Variants in TMEM131 observed in about 807,000 individuals in gnomAD.
TMEM131 encodes the protein transmembrane protein 131, also known as 2610524E03Rik.
In TMEM131, 66 loss-of-function variants were observed where a neutral mutation model predicts 211.6. That is an observed-to-expected ratio of 0.31 (90% CI 0.26 to 0.38). TMEM131 has a LOEUF of 0.38. Ranked by LOEUF, TMEM131 falls within the 10% of genes least tolerant of loss-of-function variation. TMEM131 has a pLI of 1.00. For synonymous variants in TMEM131, 844 were observed against 841.3 expected (o/e 1.00, Z -0.06); for missense variants, 2,036 against 2,299.3 (o/e 0.89, Z 2.34).
intron 4 of TMEM131, among the ~76,000 whole-genome samples, chr2:97,875,803 A>T (rs1372872081): frequency 6.6e-6 from 1 of 152,220 alleles, no homozygotes; most frequent in African/African-American, 2.4e-5. Flanking sequence ...TCAAAATTAG[A>T]AGAACTAGAG....
chr2:97,882,130 T>C (rs185180869), intron 4 of TMEM131, among the ~76,000 whole-genome samples: 2 of 152,344 alleles, frequency 1.3e-5, no homozygotes, highest in East Asian at 1.9e-4. Flanking sequence ...TCTCTCTTCA[T>C]TTTCTAGAGT....
chr2:97,766,486 T>C lies in TMEM131; in HGVS notation c.4565A>G (p.Lys1522Arg). The C allele has an allele frequency of 6.2e-7, 1 of 1,614,018 alleles. No homozygotes were observed. Among genetic ancestry groups the C allele is most frequent in the Non-Finnish European group, 8.5e-7 (1 of 1,179,894 alleles). Reference sequence around the variant, plus strand: ...GAACAAGATGACAATACCTTTTGTTTTCTGGGCATTTCGTGATTTGGATCC... The same window carrying C: ...GAACAAGATGACAATACCTTTTGTTCTCTGGGCATTTCGTGATTTGGATCC... The part of the protein sequence containing the change: ...TSGSKSRNAQ[K>R]TKGTSKLVDN... Residue 1522 changes from lysine to arginine, a missense_variant, in exon 34 of 41, where the codon AAA becomes AGA. Around this residue, in one of 3 missense-constraint regions of TMEM131, gnomAD observed 1,623 missense variants for 1,805.9 expected, o/e 0.90. Coordinates refer to ENST00000186436, the MANE Select transcript of TMEM131 (RefSeq NM_015348.2).
chr2:97,782,862 T>G (rs72946425), intron 31 of TMEM131, among the ~76,000 whole-genome samples: 3,819 of 151,000 alleles, frequency 0.025, 168 homozygotes, highest in African/African-American at 0.089. Flanking sequence ...ATTTGTGTTA[T>G]CAAAGTCTCA....
intron 31 of TMEM131, among the ~76,000 whole-genome samples, chr2:97,781,426 A>C (rs532540298): frequency 1.3e-5 from 2 of 152,352 alleles, no homozygotes; most frequent in East Asian, 3.9e-4. Context: ...ATGCTCTTCT[A>C]GGATTAGTGG....
intron 29 of TMEM131, among the ~76,000 whole-genome samples, chr2:97,794,559 G>C (rs555309015): frequency 2.0e-5 from 3 of 152,268 alleles, no homozygotes; most frequent in Non-Finnish European, 4.4e-5. Context: ...AATATATTGA[G>C]AACAGATGAA....
At chr2:97,799,126 T>C (rs1398364712) in intron 25 of TMEM131, among the ~76,000 whole-genome samples, 2 of 152,186 alleles carry the variant, frequency 1.3e-5, no homozygotes, top group Non-Finnish European at 2.9e-5. Context: ...AGACGTTATT[T>C]GTCTTTTTCA....
At chr2:97,771,547 A>T (rs1459284309) in intron 33 of TMEM131, among the ~76,000 whole-genome samples, 1 of 152,210 alleles carries the variant, frequency 6.6e-6, no homozygotes, top group Non-Finnish European at 1.5e-5. Flanking sequence ...CTTTCTACTG[A>T]TCACAACCCA....
chr2:97,793,019 C>A, intron 30 of TMEM131, 35 bp from the exon 31 acceptor site: 1 of 1,391,168 alleles, frequency 7.2e-7, no homozygotes, highest in Non-Finnish European at 9.5e-7. Context: ...CAGTAAATAG[C>A]AACCTACAAA....
intron 1 of TMEM131, among the ~76,000 whole-genome samples, chr2:97,953,582 C>T (rs1225251632): frequency 6.6e-6 from 1 of 152,150 alleles, no homozygotes; most frequent in Non-Finnish European, 1.5e-5. Flanking sequence ...GATTTCAACA[C>T]TTCACTGTCA....
intron 1 of TMEM131, among the ~76,000 whole-genome samples, chr2:97,932,846 G>GTTTAT (rs1295111421): frequency 0.018 from 2,665 of 152,222 alleles, 110 homozygotes; most frequent in East Asian, 0.15. Context: ...ACCTAAATAG[G>GTTTAT]CTGACTGTTA....
intron 1 of TMEM131, among the ~76,000 whole-genome samples, chr2:97,954,906 TA>T (rs1376511506): frequency 6.6e-6 from 1 of 151,740 alleles, no homozygotes; most frequent in Non-Finnish European, 1.5e-5. Flanking sequence ...CCAAACATTT[TA>T]AAAAGAATTA....
At chr2:97,859,516 C>T (rs6707750) in intron 4 of TMEM131, 89 bp from the exon 5 acceptor site, 377,863 of 1,109,528 alleles carry the variant, frequency 0.34, 66,805 homozygotes, top group Middle Eastern at 0.46. Context: ...AATTGTTAGA[C>T]AAATACATAG....
chr2:97,773,407 T>C (rs1331229337), intron 32 of TMEM131, among the ~76,000 whole-genome samples: 1 of 152,132 alleles, frequency 6.6e-6, no homozygotes, highest in African/African-American at 2.4e-5. Flanking sequence ...GCTGGGGGAA[T>C]GTTACTGGCC....
At chr2:97,941,896 C>A (rs1360280473) in intron 1 of TMEM131, among the ~76,000 whole-genome samples, 2 of 152,140 alleles carry the variant, frequency 1.3e-5, no homozygotes, top group African/African-American at 4.8e-5. Flanking sequence ...ACTAGTTCAA[C>A]CATTGTGGAA....
At chr2:97,856,613 G>A (rs961764691) in intron 5 of TMEM131, among the ~76,000 whole-genome samples, 2 of 152,144 alleles carry the variant, frequency 1.3e-5, no homozygotes, top group African/African-American at 2.4e-5. Context: ...CAGGAATTCC[G>A]AGCATGACAA....
chr2:97,806,686 G>A (rs896854859), intron 19 of TMEM131, among the ~76,000 whole-genome samples: 1 of 152,154 alleles, frequency 6.6e-6, no homozygotes, highest in African/African-American at 2.4e-5. Context: ...TCCTCCAGAA[G>A]AATATTACAA....
chr2:97,775,886 G>A lies in TMEM131; in HGVS notation c.4277C>T (p.Thr1426Ile). The part of the protein sequence containing the change: ...SLADDDSSST[T>I]TETSNPDTEP... The stretch of plus-strand genomic sequence containing the variant: ...TGTGTCAGGGTTGGAGGTCTCTGTG[G>A]TGGTGGAGGAGCTATCATCATCAGC... The change falls in exon 32 of 41, where the codon ACC becomes ATC. Residue 1426 changes from threonine to isoleucine, a missense_variant. By Grantham distance (89) the Thr-to-Ile change is moderately conservative. This residue lies in a region of TMEM131 where 1,623 missense variants were observed against 1,805.9 expected (regional missense o/e 0.90). Transcript: ENST00000186436. 1 of 1,614,000 alleles carries A rather than the reference G, an allele frequency of 6.2e-7. No homozygotes were observed. The highest frequency in any genetic ancestry group is 8.5e-7 in the Non-Finnish European group (1 of 1,179,898).
At chr2:97,864,903 G>C (rs1674212763) in intron 4 of TMEM131, among the ~76,000 whole-genome samples, 1 of 152,224 alleles carries the variant, frequency 6.6e-6, no homozygotes, top group South Asian at 2.1e-4. Context: ...GCCAGGGTAA[G>C]GAGTTGATGA....
rs1389612354 is a variant in TMEM131 at position 97,757,119 on chromosome 2, G to A, written c.5632C>T (p.His1878Tyr). The A allele has an allele frequency of 1.2e-6, 2 of 1,603,066 alleles. No homozygotes were observed. Among genetic ancestry groups the A allele is most frequent in the Non-Finnish European group, 1.7e-6 (2 of 1,172,704 alleles). The change falls in exon 41 of 41, where the codon CAC becomes TAC. Residue 1878 changes from histidine (H) to tyrosine (Y), a missense_variant. Physicochemically the swap from His to Tyr is moderately conservative, Grantham distance 83 (BLOSUM62 2). Coordinates refer to ENST00000186436, the MANE Select transcript of TMEM131 (RefSeq NM_015348.2). Reference protein sequence around the residue: ...RRSSDPWSNSHFPHEN With the variant: ...RRSSDPWSNSYFPHEN ...TTAATTTAATTCTCGTGAGGAAAGT[G>A]CGAATTAGACCAAGGGTCCGAGCTT...
Sources: gnomAD v4.1 joint callset for allele counts (sites outside exome capture counted in the v4.1 genomes callset) on GRCh38, gnomAD v4.1.1 for gene constraint, gnomAD v4.1.1 regional missense constraint, MANE v1.5 for transcripts, NCBI Gene and HGNC (gene_info 2026-07-23, HGNC 2026-07-21) for gene names.